Variants in SDK1 observed in about 807,000 individuals in gnomAD.
SDK1 encodes the protein sidekick cell adhesion molecule 1, also known as protein sidekick-1.
A neutral mutation model predicts 245.5 loss-of-function variants in SDK1; 157 were observed. The ratio of observed to expected loss-of-function variants is 0.64; its 90% CI spans 0.56 to 0.73. The LOEUF is 0.73. Ranked by LOEUF, SDK1 falls within the 30% of genes least tolerant of loss-of-function variation. SDK1 has a pLI of 0.00. For synonymous variants in SDK1, 1,647 were observed against 1,278.5 expected (o/e 1.29, Z -6.15); for missense variants, 3,583 against 3,002.3 (o/e 1.19, Z -4.52).
intron 5 of SDK1, among the ~76,000 whole-genome samples, chr7:3,898,444 C>G (rs1417108721): frequency 6.6e-6 from 1 of 152,158 alleles, no homozygotes; most frequent in Admixed American, 6.5e-5. Context: ...CAGTGATATA[C>G]AGAAAATGAT....
chr7:4,171,374 G>A (rs1468615586), intron 32 of SDK1, among the ~76,000 whole-genome samples: 2 of 152,260 alleles, frequency 1.3e-5, no homozygotes, highest in Non-Finnish European at 2.9e-5. Flanking sequence ...GCAGCGCCGG[G>A]GAGGGAGCGG....
chr7:3,878,717 T>C (rs1781133746), intron 5 of SDK1, among the ~76,000 whole-genome samples: 1 of 152,200 alleles, frequency 6.6e-6, no homozygotes, highest in Non-Finnish European at 1.5e-5. Context: ...GAGTCTCCTC[T>C]GTTTCTGTTA....
chr7:3,659,622 G>C (rs1029089195), intron 4 of SDK1, among the ~76,000 whole-genome samples: 1 of 152,184 alleles, frequency 6.6e-6, no homozygotes, highest in Admixed American at 6.5e-5. Context: ...CTGTGGAAAC[G>C]AGTGAATTTT....
At chr7:3,928,671 A>G (rs376684567) in intron 5 of SDK1, among the ~76,000 whole-genome samples, 7 of 152,174 alleles carry the variant, frequency 4.6e-5, no homozygotes, top group South Asian at 2.1e-4. Flanking sequence ...AAGAATAACA[A>G]TAGCAACAAT....
At chr7:4,160,208 T>C (rs1781024363) in intron 31 of SDK1, among the ~76,000 whole-genome samples, 2 of 152,234 alleles carry the variant, frequency 1.3e-5, no homozygotes, top group Admixed American at 6.5e-5. Flanking sequence ...ACGTTACCTT[T>C]AACACAGTTG....
intron 40 of SDK1, chr7:4,232,798 A>G (rs1785881930): frequency 6.5e-6 from 1 of 153,388 alleles, no homozygotes; most frequent in Admixed American, 6.4e-5. Context: ...CACTGATCAC[A>G]TTTCTTTTGC....
At chr7:3,444,874 A>G (rs892736014) in intron 1 of SDK1, among the ~76,000 whole-genome samples, 5 of 152,230 alleles carry the variant, frequency 3.3e-5, no homozygotes, top group Non-Finnish European at 4.4e-5. Flanking sequence ...TCAGTAGCCA[A>G]TTTCACAAAC....
chr7:3,672,006 T>C (rs1017409492), intron 4 of SDK1, among the ~76,000 whole-genome samples: 1 of 152,150 alleles, frequency 6.6e-6, no homozygotes, highest in African/African-American at 2.4e-5. Flanking sequence ...CAGGAACACA[T>C]GGACCCTGAG....
Position 4,025,130 on chromosome 7 carries a change from C to T in SDK1, c.2602+7778C>T, listed in dbSNP as rs189670340. Among the ~76,000 whole-genome samples, 126 of 152,270 alleles carry T rather than the reference C, an allele frequency of 8.3e-4. 1 individual carries two copies. Among genetic ancestry groups the T allele is most frequent in the Admixed American group, 2.9e-3 (45 of 15,290 alleles). On this transcript the variant is annotated intron_variant, in intron 17 of 44. Coordinates refer to ENST00000404826, the MANE Select transcript of SDK1 (RefSeq NM_152744.4). Reference sequence around the variant, plus strand: ...TTTTCTGTTCTATTCCATTCTGTTTCATTCTTTAAAACAATGCTGCTGTGA... The same window carrying T: ...TTTTCTGTTCTATTCCATTCTGTTTTATTCTTTAAAACAATGCTGCTGTGA...
At chr7:3,694,890 C>T (rs1441417176) in intron 4 of SDK1, among the ~76,000 whole-genome samples, 6 of 152,142 alleles carry the variant, frequency 3.9e-5, no homozygotes, top group Non-Finnish European at 8.8e-5. Flanking sequence ...AACAAACACA[C>T]GTACAAACAC....
intron 4 of SDK1, among the ~76,000 whole-genome samples, chr7:3,807,866 T>C (rs1779290274): frequency 6.6e-6 from 1 of 152,222 alleles, no homozygotes; most frequent in Non-Finnish European, 1.5e-5. Context: ...TAACAGCAGC[T>C]AAGCATTTCT....
chr7:4,209,965 G>A, intron 37 of SDK1, 60 bp from the exon 38 acceptor site: 2 of 1,359,942 alleles, frequency 1.5e-6, no homozygotes, highest in Non-Finnish European at 9.8e-7. Context: ...GCACAGACAT[G>A]TATGTATATG....
chr7:3,809,015 C>A (rs1382289466), intron 4 of SDK1, among the ~76,000 whole-genome samples: 1 of 152,048 alleles, frequency 6.6e-6, no homozygotes, highest in Non-Finnish European at 1.5e-5. Flanking sequence ...GCTGTTCTTG[C>A]ATTGTTATAA....
intron 4 of SDK1, among the ~76,000 whole-genome samples, chr7:3,760,431 G>A (rs1484832775): frequency 6.6e-6 from 1 of 152,164 alleles, no homozygotes; most frequent in Non-Finnish European, 1.5e-5. Flanking sequence ...TAGTATACCT[G>A]AATGTTTATC....
intron 14 of SDK1, among the ~76,000 whole-genome samples, chr7:3,994,236 G>A (rs1197767166): frequency 6.6e-6 from 1 of 151,278 alleles, no homozygotes; most frequent in East Asian, 1.9e-4. Context: ...TCAGATTCTT[G>A]TAACCAAATG....
chr7:3,743,491 C>T (rs1283367660), intron 4 of SDK1, among the ~76,000 whole-genome samples: 2 of 152,138 alleles, frequency 1.3e-5, no homozygotes, highest in East Asian at 1.9e-4. Flanking sequence ...GGAGGGCAAG[C>T]AGCCCCTGAG....
chr7:4,173,502 C>T (rs1201143539), intron 32 of SDK1, among the ~76,000 whole-genome samples: 4 of 152,208 alleles, frequency 2.6e-5, no homozygotes, highest in African/African-American at 4.8e-5. Flanking sequence ...TCCAGCAAGA[C>T]CTGAAACTCC....
At chr7:3,330,524 T>A (rs983301888) in intron 1 of SDK1, among the ~76,000 whole-genome samples, 2 of 152,096 alleles carry the variant, frequency 1.3e-5, no homozygotes, top group Non-Finnish European at 2.9e-5. Flanking sequence ...GAGAAAGAGA[T>A]TTGCACTGAC....
Position 4,077,166 on chromosome 7 carries a change from C to T in SDK1, c.3179C>T (p.Thr1060Ile), listed in dbSNP as rs367596251. The T allele has an allele frequency of 1.7e-5, 27 of 1,614,204 alleles. No individual in the cohort carries two copies. The African/African-American group carries it at 3.2e-4, about 19-fold the overall frequency. ...AVGTGLVTSS[T>I]ISSGVPPDLP... is the part of the protein sequence containing the mutation. Reference sequence around the variant, plus strand: ...GGCACTGGCCTGGTGACTTCATCCACCATTTCTTCTGGAGTGCCCCCAGGT... The same window carrying T: ...GGCACTGGCCTGGTGACTTCATCCATCATTTCTTCTGGAGTGCCCCCAGGT... The change falls in exon 21 of 45, where the codon ACC becomes ATC. Residue 1060 changes from threonine to isoleucine, a missense_variant. Coordinates refer to ENST00000404826, the MANE Select transcript of SDK1 (RefSeq NM_152744.4).
Sources: gnomAD v4.1 joint callset for allele counts (sites outside exome capture counted in the v4.1 genomes callset) on GRCh38, gnomAD v4.1.1 for gene constraint, MANE v1.5 for transcripts, NCBI Gene and HGNC (gene_info 2026-07-23, HGNC 2026-07-21) for gene names.